EPHB1: variants seen among roughly 807,000 people sequenced by gnomAD.
EPHB1 encodes the protein ephrin type-B receptor 1.
A neutral mutation model predicts 94.4 loss-of-function variants in EPHB1; 30 were observed. The ratio of observed to expected loss-of-function variants is 0.32; its 90% CI spans 0.24 to 0.43. The LOEUF is 0.43. EPHB1 is among the 20% of genes least tolerant of loss of function. The probability of loss-of-function intolerance (pLI) is 1.00; values close to 1 mark genes in which losing one functional copy is unlikely to be tolerated. For synonymous variants in EPHB1, 522 were observed against 489.1 expected (o/e 1.07, Z -0.89); for missense variants, 1,055 against 1,308.3 (o/e 0.81, Z 2.99).
At chr3:134,984,730 T>A (rs973380834) in intron 3 of EPHB1, among the ~76,000 whole-genome samples, 42 of 151,942 alleles carry the variant, frequency 2.8e-4, no homozygotes, top group African/African-American at 1.0e-3. Flanking sequence ...CTTGCCACAT[T>A]AGAGGGATCA....
intron 1 of EPHB1, among the ~76,000 whole-genome samples, chr3:134,878,106 G>C (rs2037655665): frequency 6.6e-6 from 1 of 152,222 alleles, no homozygotes; most frequent in Non-Finnish European, 1.5e-5. Context: ...TCCAACCCCA[G>C]CTGAGGACGG....
intron 4 of EPHB1, among the ~76,000 whole-genome samples, chr3:135,123,274 A>G (rs1940050943): frequency 6.6e-6 from 1 of 152,194 alleles, no homozygotes; most frequent in Non-Finnish European, 1.5e-5. Flanking sequence ...AGAGTGTTGG[A>G]AAGATAAGAT....
intron 3 of EPHB1, among the ~76,000 whole-genome samples, chr3:134,980,816 G>A (rs1934374726): frequency 6.6e-6 from 1 of 152,182 alleles, no homozygotes; most frequent in Non-Finnish European, 1.5e-5. Context: ...ATGGCTTGAG[G>A]ATTCCCTGCC....
rs151168905 is a variant in EPHB1 at position 134,931,208 on chromosome 3, C to T, written c.123+5328C>T. Among the ~76,000 whole-genome samples the T allele has an allele frequency of 4.1e-4, 62 of 152,336 alleles. 1 individual carries two copies. The highest frequency in any genetic ancestry group is 7.2e-4 in the Non-Finnish European group (49 of 68,042). ...AGTGATGCACATGGAGCCACTTCTC[C>T]TGAGATAAGCATAATAAAGGGGACC... On this transcript the variant is annotated intron_variant, in intron 2 of 15. Transcript: ENST00000398015.
At chr3:135,022,711 C>T (rs1461509823) in intron 3 of EPHB1, among the ~76,000 whole-genome samples, 2 of 151,954 alleles carry the variant, frequency 1.3e-5, no homozygotes, top group African/African-American at 4.8e-5. Context: ...TGTTGTATCC[C>T]CTTCCTTATT....
chr3:134,990,615 G>C lies in EPHB1; in HGVS notation c.805+38563G>C, dbSNP rs923619653. Among the ~76,000 whole-genome samples the C allele has an allele frequency of 3.9e-5, 6 of 152,278 alleles. No individual in the cohort carries two copies. The South Asian group carries it at 1.2e-3, about 32-fold the overall frequency. On this transcript the variant is annotated intron_variant, in intron 3 of 15. Coordinates refer to ENST00000398015, the MANE Select transcript of EPHB1 (RefSeq NM_004441.5). The stretch of plus-strand genomic sequence containing the variant: ...GCAGAGATCTGTCAGTATCTGCAGA[G>C]AATTTGTACCAGGACTCCTGGGGAT...
At chr3:135,019,244 T>C (rs900462371) in intron 3 of EPHB1, among the ~76,000 whole-genome samples, 3 of 151,988 alleles carry the variant, frequency 2.0e-5, no homozygotes, top group African/African-American at 7.3e-5. Flanking sequence ...TGAAATCCCA[T>C]CACAAAGCAG....
intron 1 of EPHB1, among the ~76,000 whole-genome samples, chr3:134,827,539 A>G (rs549213280): frequency 6.6e-6 from 1 of 152,344 alleles, no homozygotes; most frequent in African/African-American, 2.4e-5. Context: ...TATCATGATC[A>G]TCAGGTTTAT....
intron 1 of EPHB1, among the ~76,000 whole-genome samples, chr3:134,797,755 C>T (rs936778542): frequency 6.6e-5 from 10 of 152,306 alleles, no homozygotes; most frequent in Middle Eastern, 3.4e-3. Flanking sequence ...GCTTCCCTTG[C>T]TGCAGCCTGG....
At chr3:134,919,679 G>A (rs1035065162) in intron 1 of EPHB1, among the ~76,000 whole-genome samples, 9 of 152,330 alleles carry the variant, frequency 5.9e-5, no homozygotes, top group African/African-American at 1.7e-4. Flanking sequence ...CCAGCCAGCA[G>A]AGCATGTGCA....
chr3:134,909,965 C>A (rs1050465228), intron 1 of EPHB1, among the ~76,000 whole-genome samples: 2 of 152,208 alleles, frequency 1.3e-5, no homozygotes, highest in African/African-American at 4.8e-5. Flanking sequence ...CCAGGAAGAT[C>A]GAGCAGAGAG....
intron 1 of EPHB1, among the ~76,000 whole-genome samples, chr3:134,819,168 G>C (rs976297620): frequency 6.6e-6 from 1 of 152,230 alleles, no homozygotes; most frequent in African/African-American, 2.4e-5. Context: ...GAACTTCTGA[G>C]CATAGAGAAA....
chr3:135,060,630 T>C (rs535558214), intron 3 of EPHB1, among the ~76,000 whole-genome samples: 1 of 152,298 alleles, frequency 6.6e-6, no homozygotes, highest in South Asian at 2.1e-4. Flanking sequence ...AGCATTCTTT[T>C]TAAAACTTTT....
chr3:134,866,594 G>A (rs551046773), intron 1 of EPHB1, among the ~76,000 whole-genome samples: 2 of 152,214 alleles, frequency 1.3e-5, no homozygotes, highest in Non-Finnish European at 2.9e-5. Context: ...GGCCTGGTCT[G>A]TCCACTCCAA....
At chr3:134,847,643 G>T (rs1317475814) in intron 1 of EPHB1, among the ~76,000 whole-genome samples, 1 of 152,210 alleles carries the variant, frequency 6.6e-6, no homozygotes, top group African/African-American at 2.4e-5. Flanking sequence ...GAAGAAGGCA[G>T]GAAATGGGAA....
At chr3:134,859,939 A>T (rs1553858618) in intron 1 of EPHB1, among the ~76,000 whole-genome samples, 1 of 151,560 alleles carries the variant, frequency 6.6e-6, no homozygotes, top group Non-Finnish European at 1.5e-5. Context: ...TCATTTTTTG[A>T]TGTCTTTGTA....
intron 12 of EPHB1, among the ~76,000 whole-genome samples, chr3:135,239,098 G>A (rs1014921616): frequency 2.0e-5 from 3 of 152,160 alleles, no homozygotes; most frequent in South Asian, 2.1e-4. Context: ...GGCATTTGTC[G>A]TGTAGCTGGC....
In EPHB1 at chr3:134,951,875, A is replaced by G; in HGVS notation, c.628A>G (p.Met210Val). Reference sequence around the variant, plus strand: ...AAATTTTGCAGTGTTTCCAGAGACTATGACAGGGGCAGAGAGCACATCTCT... The same window carrying G: ...AAATTTTGCAGTGTTTCCAGAGACTGTGACAGGGGCAGAGAGCACATCTCT... Reference protein sequence around the residue: ...VQNFAVFPETMTGAESTSLVI... With the variant: ...VQNFAVFPETVTGAESTSLVI... Residue 210 changes from methionine (M) to valine (V), a missense_variant, in exon 3 of 16, where the codon ATG (methionine) becomes GTG (valine). Physicochemically the swap from Met to Val is conservative, Grantham distance 21. Transcript: ENST00000398015. This position sits in a 1 kb window ranked among gnomAD's most constrained non-coding sequence, Gnocchi z 4.5. 1 of 1,614,054 alleles carries G rather than the reference A, an allele frequency of 6.2e-7. No homozygotes were observed. The highest frequency in any genetic ancestry group is 8.5e-7 in the Non-Finnish European group (1 of 1,179,892).
intron 1 of EPHB1, among the ~76,000 whole-genome samples, chr3:134,897,224 G>A (rs960415815): frequency 6.6e-6 from 1 of 152,158 alleles, no homozygotes; most frequent in South Asian, 2.1e-4. Flanking sequence ...TTGGCCTGGG[G>A]GGCCTTGAAT....
Sources: gnomAD v4.1 joint callset for allele counts (sites outside exome capture counted in the v4.1 genomes callset) on GRCh38, gnomAD v4.1.1 for gene constraint, Gnocchi (gnomAD v3.1) non-coding constraint, MANE v1.5 for transcripts, NCBI Gene and HGNC (gene_info 2026-07-23, HGNC 2026-07-21) for gene names.